The following ASXL1 variants were observed in gnomAD, a reference collection of about 807,000 sequenced individuals.
The protein encoded by ASXL1 is ASXL transcriptional regulator 1.
In ASXL1, 65 loss-of-function variants were observed where a neutral mutation model predicts 89.1. That is an observed-to-expected ratio of 0.73 (90% CI 0.60 to 0.90). The LOEUF is 0.90. Ranked by LOEUF, ASXL1 falls within the 40% of genes least tolerant of loss-of-function variation. ASXL1 has a pLI of 0.00. For missense variants in ASXL1, 1,786 were observed against 1,942.9 expected, an observed-to-expected ratio of 0.92 and a Z score of 1.52; for synonymous variants, 739 against 746.9, an observed-to-expected ratio of 0.99 and a Z score of 0.17.
At chr20:32,433,196 A>G (rs752253710) in intron 11 of ASXL1, 88 bp from the exon 12 acceptor site, 35 of 1,587,284 alleles carry the variant, frequency 2.2e-5, no homozygotes, top group Non-Finnish European at 3.0e-5. Context: ...GTTCTGAGAT[A>G]TCTGTGTTTC....
At position 32,369,031 on chromosome 20, in the gene ASXL1, G is replaced by A. The variant is rs867857427; in HGVS notation, c.160G>A (p.Ala54Thr). The A allele has an allele frequency of 3.7e-6, 6 of 1,613,492 alleles. No individual in the cohort carries two copies. The African/African-American group carries it at 4.0e-5, about 11-fold the overall frequency. Residue 54 changes from alanine to threonine, a missense_variant, in exon 4 of 13, where the codon GCA becomes ACA. Ala to Thr is a moderately conservative substitution (Grantham distance 58). Transcript: ENST00000375687. ...GTTTTACAGTGGGACTTCCCCTCTC[G>A]CATGCCTCAATGCTATGCTACATTC... ...KEMRSGTSPL[A>T]CLNAMLHSNS...
At chr20:32,361,080 C>G (rs749500507) in intron 1 of ASXL1, among the ~76,000 whole-genome samples, 1 of 151,634 alleles carries the variant, frequency 6.6e-6, no homozygotes, top group Non-Finnish European at 1.5e-5. Flanking sequence ...TGCTGTTATA[C>G]ATGTGAAAAA....
At position 32,434,649 on chromosome 20, in the gene ASXL1, G is replaced by GC. The variant is rs2011677412; in HGVS notation, c.1940dup (p.Gly649TrpfsTer9). 6.2e-7 allele frequency: 1 copy of GC among 1,605,272 alleles called. No homozygotes were observed. The highest frequency in any genetic ancestry group is 8.5e-7 in the Non-Finnish European group (1 of 1,175,810). On this transcript the variant is annotated frameshift_variant, in exon 13 of 13. Coordinates refer to ENST00000375687, the MANE Select transcript of ASXL1 (RefSeq NM_015338.6). LOFTEE classifies it low-confidence loss of function (END_TRUNC). Reference sequence around the variant, plus strand: ...ACCACTGCCATCGGAGGGGGGGGTGGCCCGGGTGGAGGTGGCGGCGGGGCC... The same window carrying GC: ...ACCACTGCCATCGGAGGGGGGGGTGGCCCCGGGTGGAGGTGGCGGCGGGGCC...
chr20:32,366,364 G>A lies in ASXL1; in HGVS notation c.58-20G>A. 1 of 1,582,626 alleles carries A rather than the reference G, an allele frequency of 6.3e-7. No homozygotes were observed. The highest frequency in any genetic ancestry group is 1.1e-5 in the South Asian group (1 of 90,414). On this transcript the variant is annotated intron_variant, in intron 1 of 12. Transcript: ENST00000375687. Reference sequence around the variant, plus strand: ...AAATGGAAATTGCACACTGAAATTAGGACGTTTATATTTCTTCAGGTATTA... The same window carrying A: ...AAATGGAAATTGCACACTGAAATTAAGACGTTTATATTTCTTCAGGTATTA...
Position 32,358,850 on chromosome 20 carries a change from G to T in ASXL1, c.57+18G>T. On this transcript the variant is annotated intron_variant, in intron 1 of 12. Transcript: ENST00000375687. Reference sequence around the variant, plus strand: ...CGCGCCTGGTGAGGCGGACAGCCGAGGGGGGCTCCGTGGGGCCCGGGGTGG... The same window carrying T: ...CGCGCCTGGTGAGGCGGACAGCCGATGGGGGCTCCGTGGGGCCCGGGGTGG... 4 of 1,504,430 alleles carry T rather than the reference G, an allele frequency of 2.7e-6. No homozygotes were observed. The highest frequency in any genetic ancestry group is 3.6e-6 in the Non-Finnish European group (4 of 1,125,646). 93.2% of individuals were successfully genotyped at this position (1,504,430 alleles called of 1,614,324 possible).
intron 4 of ASXL1, among the ~76,000 whole-genome samples, chr20:32,410,690 C>T (rs1166472505): frequency 6.6e-6 from 1 of 152,070 alleles, no homozygotes; most frequent in Admixed American, 6.6e-5. Flanking sequence ...TACTTTCATT[C>T]ACTGGTTTTA....
Position 32,433,430 on chromosome 20 carries a change from G to A in ASXL1, c.1232G>A (p.Arg411His), listed in dbSNP as rs143719307. Residue 411 changes from arginine (R) to histidine (H), a missense_variant, in exon 12 of 13, where the codon CGC (arginine) becomes CAC (histidine). Transcript: ENST00000375687. Reference protein sequence around the residue: ...TRQRDGHFKKRSRPDLRTRAR... With the variant: ...TRQRDGHFKKHSRPDLRTRAR... Reference sequence around the variant, plus strand: ...CAGCGAGATGGGCATTTTAAGAAACGCTCTCGGCCAGATCTCCGAACCAGA... The same window carrying A: ...CAGCGAGATGGGCATTTTAAGAAACACTCTCGGCCAGATCTCCGAACCAGA... 3.7e-6 allele frequency: 6 copies of A among 1,614,142 alleles called. No individual in the cohort carries two copies. The highest frequency in any genetic ancestry group is 1.3e-5 in the African/African-American group (1 of 75,038).
At chr20:32,398,615 G>GTTT (rs1358499355) in intron 4 of ASXL1, among the ~76,000 whole-genome samples, 4 of 80,808 alleles carry the variant, frequency 4.9e-5, no homozygotes, top group African/African-American at 8.7e-5. Flanking sequence ...TTTTTTTTTT[G>GTTT]TTTTTTTTTT....
intron 4 of ASXL1, 64 bp downstream of exon 4, chr20:32,369,187 C>A: frequency 1.4e-6 from 2 of 1,442,920 alleles, no homozygotes; most frequent in Middle Eastern, 1.7e-4. Context: ...ATAAAAATCA[C>A]CTGGTAGGTC....
At position 32,438,895 on chromosome 20, in the gene ASXL1, CCCTTG is replaced by C. The variant is rs1457030497; in HGVS notation, c.*1563_*1567del. ...AAGTAGATGCCCCTGTGTGTGTTTT[CCCTTG>C]CCTTGTTTCCTGCCTTATATCTTGT... On this transcript the variant is annotated 3_prime_UTR_variant, in exon 13 of 13. Coordinates refer to ENST00000375687, the MANE Select transcript of ASXL1 (RefSeq NM_015338.6). 9.9e-5 allele frequency: 23 copies of C among 233,258 alleles called. No individual in the cohort carries two copies. The highest frequency in any genetic ancestry group is 1.7e-4 in the Non-Finnish European group (20 of 118,062). The allele number at this position is 233,258 out of a possible 1,614,324, so 14.4% of individuals were successfully genotyped here. A position where few individuals can be genotyped will look rare whatever the true frequency, so the allele number is the denominator to read the frequency against.
rs1219695894 is a variant in ASXL1, at chr20:32,366,400, C to T, written c.74C>T (p.Ser25Leu). The T allele has an allele frequency of 1.2e-6, 2 of 1,613,190 alleles. No homozygotes were observed. Among genetic ancestry groups the T allele is most frequent in the Non-Finnish European group, 1.7e-6 (2 of 1,179,188 alleles). ...EAARLVLENY[S>L]DAPMTPKQIL... ...TTTCTTCAGGTATTAGAAAACTACT[C>T]GGATGCTCCAATGACACCAAAACAG... Residue 25 changes from serine (S) to leucine (L), a missense_variant, in exon 2 of 13, where the codon TCG (serine) becomes TTG (leucine). Ser to Leu is a moderately radical substitution (Grantham distance 145). Around this residue, in one of 3 missense-constraint regions of ASXL1, gnomAD observed 332 missense variants for 449.7 expected, o/e 0.74. Transcript: ENST00000375687.
chr20:32,362,822 C>T (rs2048143137), intron 1 of ASXL1, among the ~76,000 whole-genome samples: 1 of 152,092 alleles, frequency 6.6e-6, no homozygotes, highest in Non-Finnish European at 1.5e-5. Flanking sequence ...AAGAAGTAGA[C>T]CTTATGTGGT....
intron 1 of ASXL1, among the ~76,000 whole-genome samples, chr20:32,362,393 T>C (rs1362996241): frequency 6.6e-6 from 1 of 152,142 alleles, no homozygotes. Flanking sequence ...TCCCAGCACT[T>C]TGGGAGGCCG....
chr20:32,376,375 A>G (rs1023093724), intron 4 of ASXL1, among the ~76,000 whole-genome samples: 2 of 151,942 alleles, frequency 1.3e-5, no homozygotes, highest in African/African-American at 4.8e-5. Flanking sequence ...CCCGGGTTGA[A>G]GTGATCCTCC....
chr20:32,407,552 TC>T (rs2048976852), intron 4 of ASXL1, among the ~76,000 whole-genome samples: 1 of 152,140 alleles, frequency 6.6e-6, no homozygotes, highest in Non-Finnish European at 1.5e-5. Context: ...AGCCTCAACT[TC>T]CTGGGCTCAA....
intron 1 of ASXL1, chr20:32,359,194 G>A (rs1258208354): frequency 1.4e-6 from 1 of 696,714 alleles, no homozygotes. Flanking sequence ...ACCCGGGGGA[G>A]TTGGGTTTCC....
Position 32,358,689 on chromosome 20 carries a change from C to T in ASXL1, c.-87C>T, listed in dbSNP as rs1164379054. On this transcript the variant is annotated 5_prime_UTR_variant, in exon 1 of 13. Transcript: ENST00000375687. Reference sequence around the variant, plus strand: ...CCGCTGCCACGCGCCCCCCCCACCGCCGCCGCCGCCCCAGCCCCGCGCCAC... The same window carrying T: ...CCGCTGCCACGCGCCCCCCCCACCGTCGCCGCCGCCCCAGCCCCGCGCCAC... The T allele has an allele frequency of 6.4e-6, 4 of 625,846 alleles. No individual in the cohort carries two copies. The highest frequency in any genetic ancestry group is 7.1e-4 in the Middle Eastern group (1 of 1,412). 38.8% of individuals were successfully genotyped at this position (625,846 alleles called of 1,614,324 possible). A position where few individuals can be genotyped will look rare whatever the true frequency, so the allele number is the denominator to read the frequency against.
intron 4 of ASXL1, among the ~76,000 whole-genome samples, chr20:32,375,461 GAAA>G (rs929649349): frequency 4.2e-5 from 6 of 144,096 alleles, no homozygotes; most frequent in African/African-American, 1.5e-4. Context: ...AAAAAAAAAA[GAAA>G]AAAAGAACAA....
chr20:32,416,677 C>T (rs983911438), intron 4 of ASXL1, among the ~76,000 whole-genome samples: 8 of 152,100 alleles, frequency 5.3e-5, no homozygotes, highest in African/African-American at 9.7e-5. Context: ...CATGTACAAA[C>T]GTGTGAGAAT....
Sources: allele counts gnomAD v4.1 joint callset (sites outside exome capture counted in the v4.1 genomes callset), GRCh38; gene constraint gnomAD v4.1.1; regional missense constraint gnomAD v4.1.1; transcripts MANE v1.5; gene names NCBI Gene and HGNC (gene_info 2026-07-23, HGNC 2026-07-21).